Variants in TMCC1 observed in about 807,000 individuals in gnomAD.
TMCC1 encodes transmembrane and coiled-coil domain family 1.
A neutral mutation model predicts 52.4 loss-of-function variants in TMCC1; 15 were observed. That is an observed-to-expected ratio of 0.29 (90% confidence interval 0.19 to 0.44). The LOEUF (loss-of-function observed/expected upper bound fraction) is 0.44, where lower values mean the gene tolerates loss of function less well. Ranked by LOEUF, TMCC1 falls within the 20% of genes least tolerant of loss-of-function variation. The pLI is 1.00. For missense variants in TMCC1, 503 were observed against 806.0 expected (o/e 0.62, Z 4.55); for synonymous variants, 279 against 301.9 (o/e 0.92, Z 0.79).
chr3:129,679,552 C>T (rs940993931), intron 4 of TMCC1, among the ~76,000 whole-genome samples: 1 of 152,184 alleles, frequency 6.6e-6, no homozygotes, highest in African/African-American at 2.4e-5. Context: ...GATCCGCCCA[C>T]CTTGGCCTCC....
At chr3:129,763,647 G>A (rs867987264) in intron 4 of TMCC1, among the ~76,000 whole-genome samples, 13 of 149,926 alleles carry the variant, frequency 8.7e-5, no homozygotes, top group South Asian at 6.3e-4. Context: ...GCCAGATACT[G>A]TGGTAGGTAC....
chr3:129,761,048 G>A (rs1449858610), intron 4 of TMCC1, among the ~76,000 whole-genome samples: 6 of 151,978 alleles, frequency 3.9e-5, no homozygotes, highest in African/African-American at 1.4e-4. Context: ...TGTGCTGGCC[G>A]GGCGCGGTGG....
At chr3:129,841,047 TACCAAAG>T (rs909305694) in intron 2 of TMCC1, among the ~76,000 whole-genome samples, 1 of 152,212 alleles carries the variant, frequency 6.6e-6, no homozygotes, top group African/African-American at 2.4e-5. Flanking sequence ...AGAAGATTTT[TACCAAAG>T]TGCTGATTGT....
intron 4 of TMCC1, among the ~76,000 whole-genome samples, chr3:129,693,503 A>ATTTTTTTTTTT (rs11433105): frequency 1.6e-5 from 2 of 122,012 alleles, no homozygotes; most frequent in African/African-American, 6.1e-5. Context: ...CCAAGATTGA[A>ATTTTTTTTTTT]TTTTTTTTTT....
intron 4 of TMCC1, among the ~76,000 whole-genome samples, chr3:129,764,936 G>A (rs1007182012): frequency 2.0e-4 from 30 of 149,338 alleles, no homozygotes; most frequent in African/African-American, 6.9e-4. Flanking sequence ...CAAGTAGCTG[G>A]GACCACAGGC....
chr3:129,792,130 T>C (rs1446392521), intron 4 of TMCC1, among the ~76,000 whole-genome samples: 2 of 151,336 alleles, frequency 1.3e-5, no homozygotes, highest in Non-Finnish European at 2.9e-5. Flanking sequence ...TTAGCAAAAA[T>C]GCTTGTTACT....
At chr3:129,835,317 TCTCA>T (rs1303638903) in intron 2 of TMCC1, among the ~76,000 whole-genome samples, 3 of 149,510 alleles carry the variant, frequency 2.0e-5, no homozygotes, top group East Asian at 3.9e-4. Flanking sequence ...TCACGGTTTC[TCTCA>T]CTCTTTCATA....
At position 129,671,061 on chromosome 3, in the gene TMCC1, A is replaced by G. The variant is rs2087892374; in HGVS notation, c.780T>C (p.Ala260=). ...CACTGTTGGCAAGCTTCAAGTATTC[A>G]GCAACGTTGTCGTCCCGGGCTGTTT... ...IAQTARDDNV[A]EYLKLANSAD... The change falls in exon 5 of 7, where the codon GCT becomes GCC. Residue 260 remains alanine, a synonymous_variant. Transcript: ENST00000393238. 1 of 1,614,094 alleles carries G rather than the reference A, an allele frequency of 6.2e-7. No homozygotes were observed. The highest frequency in any genetic ancestry group is 1.3e-5 in the African/African-American group (1 of 74,924).
At chr3:129,810,213 CT>C (rs1335497865) in intron 4 of TMCC1, among the ~76,000 whole-genome samples, 2 of 152,068 alleles carry the variant, frequency 1.3e-5, no homozygotes, top group Non-Finnish European at 2.9e-5. Flanking sequence ...CAAAAATTAG[CT>C]GGGCATGGTG....
chr3:129,719,865 G>T (rs2049422040), intron 4 of TMCC1, among the ~76,000 whole-genome samples: 2 of 151,936 alleles, frequency 1.3e-5, no homozygotes, highest in African/African-American at 4.8e-5. Context: ...TTTATAATTT[G>T]GATTTCCCAC....
chr3:129,774,364 T>A (rs1171692550), intron 4 of TMCC1, among the ~76,000 whole-genome samples: 1 of 152,202 alleles, frequency 6.6e-6, no homozygotes, highest in Non-Finnish European at 1.5e-5. Context: ...TAAATTATCA[T>A]ACCTAAAAAA....
intron 4 of TMCC1, among the ~76,000 whole-genome samples, chr3:129,778,876 A>C (rs1470969865): frequency 6.6e-6 from 1 of 152,148 alleles, no homozygotes; most frequent in Non-Finnish European, 1.5e-5. Context: ...GAGTCAATTA[A>C]ACCTTTTTCC....
chr3:129,866,565 C>G (rs942715472), intron 2 of TMCC1, among the ~76,000 whole-genome samples: 1 of 151,472 alleles, frequency 6.6e-6, no homozygotes, highest in Admixed American at 6.6e-5. Context: ...TTAGTAGAGA[C>G]AGCGTTTTTC....
chr3:129,857,535 T>C (rs1219038951), intron 2 of TMCC1: 2 of 152,218 alleles, frequency 1.3e-5, no homozygotes, highest in Non-Finnish European at 2.9e-5. Flanking sequence ...GTATAGTACT[T>C]TGTAATGTCC....
At chr3:129,692,460 T>A (rs992887328) in intron 4 of TMCC1, among the ~76,000 whole-genome samples, 12 of 152,246 alleles carry the variant, frequency 7.9e-5, no homozygotes, top group Non-Finnish European at 1.6e-4. Flanking sequence ...GTTTTAAGCT[T>A]ACATACTTTT....
intron 4 of TMCC1, among the ~76,000 whole-genome samples, chr3:129,736,667 G>A (rs1022393306): frequency 2.6e-5 from 4 of 151,626 alleles, no homozygotes; most frequent in Non-Finnish European, 4.4e-5. Flanking sequence ...GATCACAGGC[G>A]CCCGCCACCA....
intron 4 of TMCC1, among the ~76,000 whole-genome samples, chr3:129,721,418 A>T (rs2049572851): frequency 6.6e-6 from 1 of 152,100 alleles, no homozygotes; most frequent in African/African-American, 2.4e-5. Flanking sequence ...AGCTCACTGC[A>T]ACCTCCACTG....
At chr3:129,658,281 C>T (rs1360141125) in intron 5 of TMCC1, among the ~76,000 whole-genome samples, 1 of 152,246 alleles carries the variant, frequency 6.6e-6, no homozygotes, top group Non-Finnish European at 1.5e-5. Context: ...ACTCCCACAA[C>T]ATGGACTTCC....
chr3:129,664,245 T>C (rs1034345969), intron 5 of TMCC1, among the ~76,000 whole-genome samples: 1 of 152,210 alleles, frequency 6.6e-6, no homozygotes, highest in Non-Finnish European at 1.5e-5. Context: ...CAGATCACTT[T>C]TCAGTTGACA....
Sources: gnomAD v4.1 joint callset for allele counts (sites outside exome capture counted in the v4.1 genomes callset) on GRCh38, gnomAD v4.1.1 for gene constraint, MANE v1.5 for transcripts, NCBI Gene and HGNC (gene_info 2026-07-23, HGNC 2026-07-21) for gene names.